The following P2RX3 variants were observed in gnomAD, a reference collection of about 807,000 sequenced individuals.
P2RX3 encodes the protein P2X purinoceptor 3.
A neutral mutation model predicts 51.5 loss-of-function variants in P2RX3; 41 were observed. The ratio of observed to expected loss-of-function variants is 0.80; its 90% CI spans 0.62 to 1.03. The LOEUF (loss-of-function observed/expected upper bound fraction) is 1.03. Among genes scored for constraint, P2RX3 ranks in the 50% least tolerant of loss-of-function variants. The pLI is 0.00. For missense variants in P2RX3, 459 were observed against 522.1 expected (o/e 0.88, Z 1.18); for synonymous variants, 185 against 191.6 (o/e 0.97, Z 0.29).
chr11:57,339,426 G>C (rs896982997), intron 1 of P2RX3, among the ~76,000 whole-genome samples: 3 of 152,100 alleles, frequency 2.0e-5, no homozygotes, highest in African/African-American at 7.2e-5. Flanking sequence ...ACCTCTCCCT[G>C]ACCCTGTGCC....
At chr11:57,339,682 C>T (rs917863757) in intron 1 of P2RX3, among the ~76,000 whole-genome samples, 2 of 152,180 alleles carry the variant, frequency 1.3e-5, no homozygotes, top group Admixed American at 1.3e-4. Flanking sequence ...GGTCTCCAAT[C>T]TTATGCTGTT....
upstream of P2RX3, among the ~76,000 whole-genome samples, chr11:57,337,348 A>C (rs1263102231): frequency 5.2e-5 from 6 of 115,882 alleles, no homozygotes; most frequent in Admixed American, 6.1e-4. Context: ...GAAGGAAAGA[A>C]AGAAAAAAAA....
chr11:57,355,991 C>T (rs1223981904), intron 8 of P2RX3, among the ~76,000 whole-genome samples: 1 of 152,164 alleles, frequency 6.6e-6, no homozygotes, highest in East Asian at 1.9e-4. Context: ...AATAGCAAGA[C>T]TCCTTCTCTA....
At chr11:57,347,043 A>G in intron 2 of P2RX3, 73 bp from the exon 3 acceptor site, 1 of 1,404,934 alleles carries the variant, frequency 7.1e-7, no homozygotes, top group East Asian at 2.3e-5. Flanking sequence ...TAGAGTGGGG[A>G]TAATCAGTTA....
chr11:57,337,503 G>T (rs1416006779), upstream of P2RX3, among the ~76,000 whole-genome samples: 2 of 152,140 alleles, frequency 1.3e-5, no homozygotes, highest in East Asian at 3.9e-4. Flanking sequence ...AACAGGATGA[G>T]TTCATGTCCT....
At chr11:57,355,114 G>T (rs1347154383) in intron 8 of P2RX3, among the ~76,000 whole-genome samples, 1 of 152,184 alleles carries the variant, frequency 6.6e-6, no homozygotes, top group Non-Finnish European at 1.5e-5. Context: ...GGCAGGGCGA[G>T]GAAGGGAGGA....
chr11:57,346,907 G>T (rs1856446312), intron 2 of P2RX3, among the ~76,000 whole-genome samples: 1 of 152,230 alleles, frequency 6.6e-6, no homozygotes, highest in Non-Finnish European at 1.5e-5. Context: ...AACTTGTAAT[G>T]CAATCAAGGA....
chr11:57,340,666 G>A (rs1187668402), intron 1 of P2RX3: 2 of 152,342 alleles, frequency 1.3e-5, no homozygotes, highest in African/African-American at 4.8e-5. Flanking sequence ...GAAGGCAAGA[G>A]ATGGCATTCA....
intron 8 of P2RX3, 138 bp from the exon 9 acceptor site, chr11:57,367,871 G>A (rs1856819759): frequency 1.5e-6 from 1 of 658,498 alleles, no homozygotes; most frequent in East Asian, 2.7e-5. Flanking sequence ...ACACAGGGAG[G>A]AGCGTGGCAG....
At chr11:57,367,883 T>C in intron 8 of P2RX3, 126 bp from the exon 9 acceptor site, 1 of 695,134 alleles carries the variant, frequency 1.4e-6, no homozygotes, top group Non-Finnish European at 2.6e-6. Flanking sequence ...GCGTGGCAGT[T>C]GTCTCAGCAA....
At chr11:57,340,945 C>T (rs1369567023) in intron 1 of P2RX3, among the ~76,000 whole-genome samples, 5 of 152,040 alleles carry the variant, frequency 3.3e-5, no homozygotes, top group African/African-American at 1.2e-4. Context: ...TGGCTGGAGC[C>T]GAGGGAGCAG....
upstream of P2RX3, among the ~76,000 whole-genome samples, chr11:57,337,493 A>T (rs1334610266): frequency 6.6e-6 from 1 of 152,138 alleles, no homozygotes; most frequent in Non-Finnish European, 1.5e-5. Flanking sequence ...GCAGCTGTAA[A>T]ACAGGATGAG....
chr11:57,341,149 T>A (rs1157524374), intron 1 of P2RX3, among the ~76,000 whole-genome samples: 1 of 152,028 alleles, frequency 6.6e-6, no homozygotes, highest in Admixed American at 6.6e-5. Flanking sequence ...CACGATGAGA[T>A]CTGAGTTGGG....
chr11:57,351,697 C>CT (rs1374427389), intron 8 of P2RX3, among the ~76,000 whole-genome samples: 1 of 152,044 alleles, frequency 6.6e-6, no homozygotes, highest in Non-Finnish European at 1.5e-5. Flanking sequence ...TTTCTCTCTT[C>CT]TTTTTTTTCT....
intron 10 of P2RX3, among the ~76,000 whole-genome samples, chr11:57,368,851 G>T (rs1440818211): frequency 4.6e-5 from 7 of 152,166 alleles, no homozygotes; most frequent in Non-Finnish European, 8.8e-5. Flanking sequence ...TCTCTGTGCA[G>T]CTGTGGTCTG....
At chr11:57,350,991 C>A (rs1856538141) in intron 8 of P2RX3, 93 bp downstream of exon 8, 11 of 1,557,916 alleles carry the variant, frequency 7.1e-6, no homozygotes, top group Non-Finnish European at 7.0e-6. Context: ...ATCCATCCAC[C>A]CACCCCTGGC....
At chr11:57,344,521 A>G (rs1294041966) in intron 1 of P2RX3, among the ~76,000 whole-genome samples, 1 of 152,136 alleles carries the variant, frequency 6.6e-6, no homozygotes, top group Non-Finnish European at 1.5e-5. Context: ...CAACATGGGA[A>G]AACCCCGTCT....
chr11:57,354,940 A>G (rs1856605116), intron 8 of P2RX3, among the ~76,000 whole-genome samples: 1 of 152,218 alleles, frequency 6.6e-6, no homozygotes, highest in South Asian at 2.1e-4. Context: ...GAAACAGGAC[A>G]CTGGTTACCA....
At chr11:57,342,445 C>T (rs1464912513) in intron 1 of P2RX3, among the ~76,000 whole-genome samples, 3 of 152,086 alleles carry the variant, frequency 2.0e-5, no homozygotes, top group South Asian at 2.1e-4. Context: ...CAACATGAGT[C>T]ACCATGCCTG....
Sources: gnomAD v4.1 joint callset for allele counts (sites outside exome capture counted in the v4.1 genomes callset) on GRCh38, gnomAD v4.1.1 for gene constraint, MANE v1.5 for transcripts, NCBI Gene and HGNC (gene_info 2026-07-23, HGNC 2026-07-21) for gene names.